The following RARB variants were observed in gnomAD, a reference collection of about 807,000 sequenced individuals.
The protein encoded by RARB is retinoic acid receptor beta.
In RARB, 17 loss-of-function variants were observed where a neutral mutation model predicts 51.9. The ratio of observed to expected loss-of-function variants is 0.33; its 90% CI spans 0.22 to 0.49. The LOEUF (loss-of-function observed/expected upper bound fraction) is 0.49. Ranked by LOEUF, RARB falls within the 20% of genes least tolerant of loss-of-function variation. The pLI, the probability that RARB is intolerant of heterozygous loss-of-function variation, is 0.99. For missense variants in RARB, 369 were observed against 550.8 expected (o/e 0.67, Z 3.30); for synonymous variants, 215 against 195.4 (o/e 1.10, Z -0.84).
At chr3:25,513,052 G>C (rs189816601) in intron 3 of RARB, among the ~76,000 whole-genome samples, 1 of 151,398 alleles carries the variant, frequency 6.6e-6, no homozygotes, top group South Asian at 2.1e-4. Context: ...CACTTTGGGA[G>C]GTGGATCACG....
At chr3:24,842,823 C>A (rs951319034) in intron 1 of RARB, among the ~76,000 whole-genome samples, 4 of 152,306 alleles carry the variant, frequency 2.6e-5, no homozygotes, top group East Asian at 1.9e-4. Flanking sequence ...AAACATAATT[C>A]TTTAACCATG....
chr3:25,334,690 AAAAT>A (rs1360156877), intron 5 of RARB, among the ~76,000 whole-genome samples: 1 of 152,064 alleles, frequency 6.6e-6, no homozygotes, highest in Non-Finnish European at 1.5e-5. Context: ...AAAAAAGTAA[AAAAT>A]AAATCCTTAA....
chr3:25,460,428 T>TTTATTTATTTA (rs369452418), intron 1 of RARB, among the ~76,000 whole-genome samples: 7 of 145,582 alleles, frequency 4.8e-5, no homozygotes, highest in African/African-American at 1.3e-4. Context: ...ATTTTAAAAT[T>TTTATTTATTTA]TTTATTTATT....
At chr3:25,124,052 G>A (rs1201346750) in intron 3 of RARB, among the ~76,000 whole-genome samples, 2 of 152,112 alleles carry the variant, frequency 1.3e-5, no homozygotes, top group South Asian at 2.1e-4. Context: ...GTACTCACCC[G>A]GGGAGGGAGT....
At chr3:24,895,249 C>G (rs1427126083) in intron 2 of RARB, among the ~76,000 whole-genome samples, 1 of 152,140 alleles carries the variant, frequency 6.6e-6, no homozygotes, top group Non-Finnish European at 1.5e-5. Flanking sequence ...AATAGGTAGA[C>G]TAAAAATAGA....
At chr3:25,261,421 A>G (rs771239474) in intron 5 of RARB, among the ~76,000 whole-genome samples, 8 of 151,970 alleles carry the variant, frequency 5.3e-5, no homozygotes, top group Non-Finnish European at 1.2e-4. Flanking sequence ...TTTCTGTAGT[A>G]CCTGTAACAT....
chr3:25,427,627 T>G (rs1223157608), upstream of RARB, among the ~76,000 whole-genome samples: 1 of 152,138 alleles, frequency 6.6e-6, no homozygotes, highest in African/African-American at 2.4e-5. Flanking sequence ...TCAAAGTAAA[T>G]GAATCTCGAA....
intron 3 of RARB, among the ~76,000 whole-genome samples, chr3:25,063,809 T>A (rs1024864264): frequency 2.6e-5 from 4 of 151,704 alleles, no homozygotes; most frequent in Non-Finnish European, 5.9e-5. Flanking sequence ...AGCTTCAAGA[T>A]AAGAAAAGCA....
chr3:25,425,164 A>G (rs974764443), upstream of RARB, among the ~76,000 whole-genome samples: 9 of 152,164 alleles, frequency 5.9e-5, no homozygotes, highest in Non-Finnish European at 8.8e-5. Flanking sequence ...GTTTCTTCCA[A>G]CCCTGTGGCT....
At chr3:25,373,721 G>C (rs1159874329) in intron 5 of RARB, among the ~76,000 whole-genome samples, 6 of 152,076 alleles carry the variant, frequency 3.9e-5, no homozygotes, top group Non-Finnish European at 7.4e-5. Flanking sequence ...TACCATGGCG[G>C]GGAATGGACC....
intron 5 of RARB, among the ~76,000 whole-genome samples, chr3:25,214,522 C>T (rs1701772974): frequency 2.0e-5 from 3 of 152,108 alleles, no homozygotes; most frequent in African/African-American, 7.2e-5. Flanking sequence ...AAAATATGAA[C>T]ATCCATTTGT....
chr3:24,916,133 C>T (rs1695101375), intron 2 of RARB, among the ~76,000 whole-genome samples: 1 of 152,054 alleles, frequency 6.6e-6, no homozygotes, highest in South Asian at 2.1e-4. Flanking sequence ...GCAGAGATGT[C>T]TGTGTTTATG....
In RARB at chr3:25,112,946, C is replaced by T. The variant is rs572123047; in HGVS notation, c.-327-19215C>T. Among the ~76,000 whole-genome samples, 40 of 152,160 alleles carry T rather than the reference C, an allele frequency of 2.6e-4. 1 individual carries two copies. The South Asian group carries it at 6.4e-3, about 24-fold the overall frequency. On this transcript the variant is annotated intron_variant, in intron 3 of 11. Coordinates refer to the RARB transcript ENST00000383772. ...CAACCTTAAATTTTTTCTGAATTTT[C>T]GGGTATTTTTATTTAGTATAGATCT...
intron 3 of RARB, among the ~76,000 whole-genome samples, chr3:25,096,167 A>AT (rs537586031): frequency 6.6e-6 from 1 of 152,010 alleles, no homozygotes; most frequent in South Asian, 2.1e-4. Flanking sequence ...TTTTTGTCAT[A>AT]TTTTTCAAGT....
chr3:24,945,574 A>G (rs1695755776), intron 2 of RARB, among the ~76,000 whole-genome samples: 1 of 152,232 alleles, frequency 6.6e-6, no homozygotes, highest in South Asian at 2.1e-4. Flanking sequence ...TTGTTTATCC[A>G]GTCCCTGTAG....
At chr3:25,240,853 G>T (rs1702415027) in intron 5 of RARB, among the ~76,000 whole-genome samples, 1 of 152,116 alleles carries the variant, frequency 6.6e-6, no homozygotes, top group African/African-American at 2.4e-5. Context: ...TTTGTAGAAT[G>T]AATTAGAGAA....
At chr3:24,938,116 T>A (rs997121180) in intron 2 of RARB, among the ~76,000 whole-genome samples, 1 of 152,046 alleles carries the variant, frequency 6.6e-6, no homozygotes, top group Non-Finnish European at 1.5e-5. Context: ...GCTTGAGAGG[T>A]GATCAAGGTT....
At chr3:25,463,958 A>G (rs1411242293) in intron 2 of RARB, among the ~76,000 whole-genome samples, 1 of 152,212 alleles carries the variant, frequency 6.6e-6, no homozygotes, top group Non-Finnish European at 1.5e-5. Flanking sequence ...TGTTCATTCA[A>G]TTATTGCTTT....
At chr3:25,462,952 A>T (rs1695254090) in intron 2 of RARB, among the ~76,000 whole-genome samples, 1 of 152,248 alleles carries the variant, frequency 6.6e-6, no homozygotes, top group African/African-American at 2.4e-5. Context: ...AAAGCAAGTT[A>T]TAAGGTCAGC....
Sources: gnomAD v4.1 joint callset for allele counts (sites outside exome capture counted in the v4.1 genomes callset) on GRCh38, gnomAD v4.1.1 for gene constraint, MANE v1.5 for transcripts, NCBI Gene and HGNC (gene_info 2026-07-23, HGNC 2026-07-21) for gene names.